GLYR1: variants seen among roughly 807,000 people sequenced by gnomAD.
GLYR1 encodes glyoxylate reductase 1 homolog.
In GLYR1, 21 loss-of-function variants were observed where a neutral mutation model predicts 72.7. The ratio of observed to expected loss-of-function variants is 0.29; its 90% CI spans 0.20 to 0.42. The LOEUF is 0.42. Ranked by LOEUF, GLYR1 falls within the 10% of genes least tolerant of loss-of-function variation. GLYR1 has a pLI of 1.00. For missense variants in GLYR1, 594 were observed against 712.1 expected, an observed-to-expected ratio of 0.83 and a Z score of 1.89; for synonymous variants, 392 against 270.2, an observed-to-expected ratio of 1.45 and a Z score of -4.42.
intron 15 of GLYR1, among the ~76,000 whole-genome samples, chr16:4,806,980 G>A (rs1002857432): frequency 6.6e-6 from 1 of 151,262 alleles, no homozygotes; most frequent in Non-Finnish European, 1.5e-5. Context: ...CTAATTTTTT[G>A]TATTTTTAGT....
intron 5 of GLYR1, among the ~76,000 whole-genome samples, chr16:4,827,616 AC>A (rs2084475036): frequency 6.6e-6 from 1 of 151,976 alleles, no homozygotes; most frequent in African/African-American, 2.4e-5. Context: ...AACAAAAAAA[AC>A]GGGCCAGGCA....
intron 5 of GLYR1, among the ~76,000 whole-genome samples, chr16:4,827,164 A>T (rs547933884): frequency 6.6e-6 from 1 of 152,222 alleles, no homozygotes; most frequent in Non-Finnish European, 1.5e-5. Context: ...CTCACGGGGC[A>T]GGAGATTATG....
In GLYR1 at chr16:4,811,664, T is replaced by C; in HGVS notation, c.1421A>G (p.Gln474Arg). Residue 474 changes from glutamine (Q) to arginine (R), a missense_variant, in exon 14 of 16, where the codon CAG (glutamine) becomes CGG (arginine). This residue lies in a region of GLYR1 where 266 missense variants were observed against 358.4 expected (regional missense o/e 0.74). Coordinates refer to ENST00000321919, the MANE Select transcript of GLYR1 (RefSeq NM_032569.4). Reference protein sequence around the residue: ...SQQTLLDILNQGQLASIFLDQ... With the variant: ...SQQTLLDILNRGQLASIFLDQ... ...CAGGAAGATGCTGGCCAACTGTCCC[T>C]GATTGAGGATGTCCAAGAGTGTCTG... 6 of 1,614,176 alleles carry C rather than the reference T, an allele frequency of 3.7e-6. No homozygotes were observed. The highest frequency in any genetic ancestry group is 2.2e-5 in the East Asian group (1 of 44,884).
intron 5 of GLYR1, among the ~76,000 whole-genome samples, chr16:4,827,514 G>C (rs1229949086): frequency 1.3e-5 from 2 of 152,056 alleles, no homozygotes; most frequent in Non-Finnish European, 2.9e-5. Flanking sequence ...ATAGCAGCTA[G>C]AGCTCCTGGA....
intron 1 of GLYR1, 96 bp from the exon 2 acceptor site, chr16:4,846,306 TG>T: frequency 7.3e-7 from 1 of 1,378,770 alleles, no homozygotes; most frequent in Non-Finnish European, 1.0e-6. Context: ...AAATCTCTGC[TG>T]GCATCCTCAA....
chr16:4,836,436 T>C (rs985211441), intron 3 of GLYR1, among the ~76,000 whole-genome samples: 8 of 152,212 alleles, frequency 5.3e-5, no homozygotes, highest in Non-Finnish European at 1.2e-4. Flanking sequence ...TTCAGCCCAA[T>C]TGTGGCTGGG....
chr16:4,812,725 T>C (rs1017990845), intron 12 of GLYR1, among the ~76,000 whole-genome samples: 2 of 151,720 alleles, frequency 1.3e-5, no homozygotes, highest in African/African-American at 2.4e-5. Context: ...TCTCCTGACC[T>C]TGTGATCCGC....
intron 15 of GLYR1, among the ~76,000 whole-genome samples, chr16:4,810,265 G>C (rs1312627940): frequency 2.3e-5 from 3 of 127,958 alleles, no homozygotes; most frequent in African/African-American, 7.8e-5. Context: ...GAGAGGCTGA[G>C]GCAGGTGGCT....
chr16:4,822,807 G>A (rs1488522409), intron 7 of GLYR1, 68 bp downstream of exon 7: 3 of 1,331,816 alleles, frequency 2.3e-6, no homozygotes, highest in Non-Finnish European at 1.1e-6. Context: ...GGCCAGGCCA[G>A]GACCCAGTGG....
At chr16:4,808,556 C>G (rs954860688) in intron 15 of GLYR1, among the ~76,000 whole-genome samples, 9 of 151,854 alleles carry the variant, frequency 5.9e-5, no homozygotes, top group Admixed American at 5.3e-4. Context: ...CGAGATTACA[C>G]CATTGCACTC....
intron 15 of GLYR1, among the ~76,000 whole-genome samples, chr16:4,810,886 C>T (rs565892848): frequency 6.6e-6 from 1 of 151,600 alleles, no homozygotes; most frequent in South Asian, 2.1e-4. Context: ...GGGTGGATCA[C>T]CTGAGGTCAG....
At chr16:4,824,757 G>T (rs893330986) in intron 5 of GLYR1, among the ~76,000 whole-genome samples, 1 of 152,112 alleles carries the variant, frequency 6.6e-6, no homozygotes, top group African/African-American at 2.4e-5. Flanking sequence ...CCTGGGCAAA[G>T]GGTCCTCTTT....
chr16:4,820,830 G>A (rs1310323838), intron 9 of GLYR1, among the ~76,000 whole-genome samples: 2 of 152,240 alleles, frequency 1.3e-5, no homozygotes, highest in African/African-American at 4.8e-5. Flanking sequence ...GGGTCTGGGA[G>A]CATGTCCAGG....
chr16:4,839,029 G>A (rs1438006913), intron 3 of GLYR1, among the ~76,000 whole-genome samples: 1 of 152,166 alleles, frequency 6.6e-6, no homozygotes, highest in Non-Finnish European at 1.5e-5. Context: ...TGAGACTACA[G>A]GTACATGCTA....
chr16:4,811,528 G>T, intron 14 of GLYR1, 95 bp downstream of exon 14: 1 of 1,463,162 alleles, frequency 6.8e-7, no homozygotes, highest in Non-Finnish European at 9.4e-7. Context: ...GGGACTGACT[G>T]GGGAGGGGCA....
At chr16:4,825,641 AATT>A (rs2084331956) in intron 5 of GLYR1, among the ~76,000 whole-genome samples, 1 of 147,518 alleles carries the variant, frequency 6.8e-6, no homozygotes, top group Non-Finnish European at 1.5e-5. Context: ...CATGAAACAG[AATT>A]ATTATCATCT....
At chr16:4,808,627 C>T (rs566108207) in intron 15 of GLYR1, among the ~76,000 whole-genome samples, 1 of 148,780 alleles carries the variant, frequency 6.7e-6, no homozygotes, top group Non-Finnish European at 1.5e-5. Context: ...AATAAAATAA[C>T]ATAAAATAAA....
intron 3 of GLYR1, among the ~76,000 whole-genome samples, chr16:4,836,828 A>C (rs567741312): frequency 7.9e-5 from 12 of 151,790 alleles, no homozygotes; most frequent in African/African-American, 2.4e-4. Flanking sequence ...AAAAAAAAAA[A>C]ACAAAACAAA....
intron 9 of GLYR1, 139 bp from the exon 10 acceptor site, chr16:4,817,836 C>G (rs951315762): frequency 6.1e-6 from 4 of 652,732 alleles, no homozygotes; most frequent in African/African-American, 5.4e-5. Flanking sequence ...AGTGGCCAAT[C>G]TACCTGCAGA....
Sources: gnomAD v4.1 joint callset for allele counts (sites outside exome capture counted in the v4.1 genomes callset) on GRCh38, gnomAD v4.1.1 for gene constraint, gnomAD v4.1.1 regional missense constraint, MANE v1.5 for transcripts, NCBI Gene and HGNC (gene_info 2026-07-23, HGNC 2026-07-21) for gene names.